Variants in ABTB3 observed in about 807,000 individuals in gnomAD.
ABTB3 encodes the protein ankyrin repeat- and BTB/POZ domain-containing protein 3.
the ABTB3 span, among the ~76,000 whole-genome samples, chr12:107,489,690 C>T: frequency 6.6e-6 from 1 of 152,158 alleles, no homozygotes; most frequent in Non-Finnish European, 1.5e-5. Flanking sequence ...GTGGAAGCAA[C>T]CTAAATGTCC....
chr12:107,585,640 C>G, the ABTB3 span, among the ~76,000 whole-genome samples: 1 of 152,212 alleles, frequency 6.6e-6, no homozygotes, highest in East Asian at 1.9e-4. Flanking sequence ...CAACCCTTCC[C>G]AGGTCCCCTG....
chr12:107,421,310 G>A, the ABTB3 span, among the ~76,000 whole-genome samples: 1 of 152,194 alleles, frequency 6.6e-6, no homozygotes. Flanking sequence ...GTTACTAAGT[G>A]AAGTAGACAG....
the ABTB3 span, among the ~76,000 whole-genome samples, chr12:107,613,788 G>A: frequency 6.6e-6 from 1 of 152,150 alleles, no homozygotes; most frequent in African/African-American, 2.4e-5. Flanking sequence ...TTGACGGGCT[G>A]AAATCATAAC....
the ABTB3 span, among the ~76,000 whole-genome samples, chr12:107,510,198 G>C: frequency 6.6e-6 from 1 of 152,214 alleles, no homozygotes; most frequent in South Asian, 2.1e-4. Flanking sequence ...TGTTAAAGCT[G>C]AGACATGGTG....
At chr12:107,648,380 C>CCACACACACACACA in the ABTB3 span, among the ~76,000 whole-genome samples, 1,206 of 140,156 alleles carry the variant, frequency 8.6e-3, 13 homozygotes, top group East Asian at 0.043. Context: ...GACCCCATCT[C>CCACACACACACACA]CACACACACA....
chr12:107,631,234 G>A, the ABTB3 span, among the ~76,000 whole-genome samples: 2 of 152,174 alleles, frequency 1.3e-5, no homozygotes, highest in South Asian at 2.1e-4. Flanking sequence ...CATTCACTTA[G>A]GATAATAGCC....
chr12:107,434,379 C>A, the ABTB3 span, among the ~76,000 whole-genome samples: 1 of 152,186 alleles, frequency 6.6e-6, no homozygotes, highest in South Asian at 2.1e-4. Flanking sequence ...AAGTCAAGGG[C>A]ATGTGGGCGA....
the ABTB3 span, among the ~76,000 whole-genome samples, chr12:107,352,978 G>A: frequency 5.9e-5 from 9 of 152,118 alleles, no homozygotes; most frequent in Non-Finnish European, 1.3e-4. Flanking sequence ...TAAGTATTTT[G>A]CCCCTGGGCT....
At chr12:107,631,422 G>T in the ABTB3 span, among the ~76,000 whole-genome samples, 1 of 152,210 alleles carries the variant, frequency 6.6e-6, no homozygotes, top group East Asian at 1.9e-4. Flanking sequence ...GTGAGTGCAG[G>T]TAGGGTCTTT....
the ABTB3 span, chr12:107,581,072 CAGGGGG>C: frequency 6.5e-7 from 1 of 1,540,204 alleles, no homozygotes; most frequent in Non-Finnish European, 8.7e-7. Flanking sequence ...TCCCCGCGAG[CAGGGGG>C]TGGGGCCAAG....
At chr12:107,617,284 C>T in the ABTB3 span, 37 of 1,614,036 alleles carry the variant, frequency 2.3e-5, no homozygotes, top group Admixed American at 8.3e-5. Context: ...ATAAAACCCC[C>T]TTCTCTGGGC....
At chr12:107,408,568 G>A in the ABTB3 span, among the ~76,000 whole-genome samples, 4 of 152,166 alleles carry the variant, frequency 2.6e-5, no homozygotes, top group Non-Finnish European at 5.9e-5. Flanking sequence ...TCTTCTAAGT[G>A]TTTTACACAT....
At chr12:107,338,814 A>G in the ABTB3 span, among the ~76,000 whole-genome samples, 6 of 152,172 alleles carry the variant, frequency 3.9e-5, no homozygotes, top group African/African-American at 1.4e-4. Flanking sequence ...ATTTTAATTA[A>G]TTAACAAATT....
chr12:107,652,633 T>C, the ABTB3 span, among the ~76,000 whole-genome samples: 20 of 152,252 alleles, frequency 1.3e-4, no homozygotes, highest in Non-Finnish European at 2.8e-4. Flanking sequence ...CCCGATGACC[T>C]CAGCAGTAGC....
chr12:107,382,527 G>C, the ABTB3 span, among the ~76,000 whole-genome samples: 1 of 152,172 alleles, frequency 6.6e-6, no homozygotes, highest in African/African-American at 2.4e-5. Context: ...AGACTTTGCT[G>C]AACTTGCTTA....
At chr12:107,434,879 A>AC in the ABTB3 span, among the ~76,000 whole-genome samples, 4 of 151,932 alleles carry the variant, frequency 2.6e-5, no homozygotes, top group Admixed American at 1.3e-4. Flanking sequence ...GAAAAAAAAA[A>AC]AACAACAACA....
chr12:107,404,867 T>C, the ABTB3 span, among the ~76,000 whole-genome samples: 2 of 152,172 alleles, frequency 1.3e-5, no homozygotes, highest in Non-Finnish European at 2.9e-5. Flanking sequence ...GTTGAGACAC[T>C]GTTCATATGT....
chr12:107,473,526 A>G, the ABTB3 span, among the ~76,000 whole-genome samples: 1,741 of 152,058 alleles, frequency 0.011, 45 homozygotes, highest in African/African-American at 0.039. Flanking sequence ...GCTAATTTTT[A>G]TATTTTTAAT....
At chr12:107,488,869 T>C in the ABTB3 span, among the ~76,000 whole-genome samples, 57,732 of 151,720 alleles carry the variant, frequency 0.38, 13,358 homozygotes, top group African/African-American at 0.66. Context: ...ACAGTGTGTG[T>C]AGATGTTGAA....
Sources: allele counts gnomAD v4.1 joint callset (sites outside exome capture counted in the v4.1 genomes callset), GRCh38; gene constraint gnomAD v4.1.1; transcripts MANE v1.5; gene names NCBI Gene and HGNC (gene_info 2026-07-23, HGNC 2026-07-21).